Variants in CERK observed in about 807,000 individuals in gnomAD.
The protein encoded by CERK is acylsphingosine kinase.
In CERK, 39 loss-of-function variants were observed where a neutral mutation model predicts 63.4. The observed-to-expected ratio is 0.61, with a 90% confidence interval of 0.48 to 0.80. The LOEUF is 0.80. Ranked by LOEUF, CERK falls within the 30% of genes least tolerant of loss-of-function variation. The probability of loss-of-function intolerance (pLI) is 0.00; values close to 1 mark genes in which losing one functional copy is unlikely to be tolerated. For missense variants in CERK, 670 were observed against 714.1 expected (o/e 0.94, Z 0.70); for synonymous variants, 302 against 280.0 (o/e 1.08, Z -0.78).
intron 4 of CERK, 53 bp from the exon 5 acceptor site, chr22:46,711,202 CGTAAAA>C: frequency 7.5e-7 from 1 of 1,331,386 alleles, no homozygotes; most frequent in Non-Finnish European, 1.1e-6. Context: ...TGAGTCCTCA[CGTAAAA>C]GGCAAATCAT....
chr22:46,735,998 C>T (rs1484382054), intron 1 of CERK, among the ~76,000 whole-genome samples: 2 of 152,228 alleles, frequency 1.3e-5, no homozygotes, highest in Non-Finnish European at 2.9e-5. Flanking sequence ...GGGCAGGCTG[C>T]TTCCTGGAGG....
chr22:46,732,822 C>T (rs1016350007), intron 1 of CERK, among the ~76,000 whole-genome samples: 1 of 152,134 alleles, frequency 6.6e-6, no homozygotes, highest in Non-Finnish European at 1.5e-5. Flanking sequence ...ATGTTTTCTT[C>T]CGTGAATCGC....
chr22:46,697,004 TTC>T (rs1381653609), intron 8 of CERK, among the ~76,000 whole-genome samples: 1 of 152,128 alleles, frequency 6.6e-6, no homozygotes, highest in Admixed American at 6.6e-5. Flanking sequence ...TTCTCGCGGC[TTC>T]TCTAATTTTC....
At position 46,716,252 on chromosome 22, in the gene CERK, A is replaced by G. The variant is rs1805896995; in HGVS notation, c.379+3834T>C. The stretch of plus-strand genomic sequence containing the variant: ...TTCGCCCAGGCTGGAGTGAAGTTGC[A>G]TGATCTCGACTCACTGCAACCTCCA... On this transcript the variant is annotated intron_variant, in intron 3 of 12. Coordinates refer to ENST00000216264, the MANE Select transcript of CERK (RefSeq NM_022766.6). 2.7e-5 allele frequency among the ~76,000 whole-genome samples: 4 copies of G among 149,810 alleles called. No homozygotes were observed. In the South Asian group the frequency reaches 8.4e-4, roughly 32 times the overall value.
chr22:46,700,735 G>C (rs1012236969), intron 7 of CERK, among the ~76,000 whole-genome samples: 2 of 151,480 alleles, frequency 1.3e-5, no homozygotes, highest in Non-Finnish European at 2.9e-5. Context: ...ATCCTGACCA[G>C]GTGCTGTGGC....
At chr22:46,689,067 C>T (rs1368475584) in intron 12 of CERK, among the ~76,000 whole-genome samples, 1 of 152,262 alleles carries the variant, frequency 6.6e-6, no homozygotes. Flanking sequence ...GACACCACTT[C>T]CCACCCTCCG....
In CERK at chr22:46,691,771, A is replaced by G; in HGVS notation, c.1133T>C (p.Val378Ala). The G allele has an allele frequency of 6.2e-7, 1 of 1,609,386 alleles. No homozygotes were observed. The highest frequency in any genetic ancestry group is 1.3e-5 in the African/African-American group (1 of 74,984). The change falls in exon 11 of 13, where the codon GTG (valine) becomes GCG (alanine). Residue 378 changes from valine to alanine, a missense_variant. Val to Ala is a moderately conservative substitution (Grantham distance 64, BLOSUM62 0). Transcript: ENST00000216264. ...ALYGLEAAED[V>A]EEWQVVCGKF... ...CCCACAGACGACTTGCCACTCCTCC[A>G]CGTCCTCTGAAGCACAAAGAACCAC... is the stretch of plus-strand genomic sequence containing the variant.
Position 46,701,640 on chromosome 22 carries a change from A to G in CERK, c.786T>C (p.Val262=). ...ATGCGCAGAGGAGGGGCTCACCAAC[A>G]ACGATATGCAGCGCCGAGGTTTCTG... is the stretch of plus-strand genomic sequence containing the variant. ...SDAETSALHI[V]VGDSLAMDVS... The change falls in exon 7 of 13, where the codon GTT becomes GTC. Residue 262 remains valine (V), a synonymous_variant. Transcript: ENST00000216264. 1 of 1,556,754 alleles carries G rather than the reference A, an allele frequency of 6.4e-7. No individual in the cohort carries two copies. The highest frequency in any genetic ancestry group is 8.7e-7 in the Non-Finnish European group (1 of 1,150,126).
intron 10 of CERK, among the ~76,000 whole-genome samples, chr22:46,692,081 G>A (rs1010654582): frequency 6.6e-6 from 1 of 152,186 alleles, no homozygotes; most frequent in Non-Finnish European, 1.5e-5. Context: ...GATCCGGCCC[G>A]CCGCCCGTCT....
chr22:46,689,498 G>A (rs1299156398), intron 12 of CERK, among the ~76,000 whole-genome samples: 2 of 152,214 alleles, frequency 1.3e-5, no homozygotes, highest in African/African-American at 4.8e-5. Context: ...AGCCTCCGGG[G>A]TAGCTGGGAT....
intron 1 of CERK, among the ~76,000 whole-genome samples, chr22:46,724,999 C>T (rs987982260): frequency 1.3e-5 from 2 of 151,096 alleles, no homozygotes; most frequent in East Asian, 2.0e-4. Context: ...CCAGCCTGGG[C>T]GAAAGACAGC....
In CERK at chr22:46,707,944, T is replaced by C; in HGVS notation, c.614A>G (p.His205Arg). The C allele has an allele frequency of 6.2e-7, 1 of 1,613,690 alleles. No individual in the cohort carries two copies. The highest frequency in any genetic ancestry group is 8.5e-7 in the Non-Finnish European group (1 of 1,179,862). Residue 205 changes from histidine to arginine, a missense_variant, in exon 6 of 13, where the codon CAC (histidine) becomes CGC (arginine). By Grantham distance (29) the His-to-Arg change is conservative. Transcript: ENST00000216264. ...CCTCTGCGTCCTCCCAATCAGACCG[T>C]GCAGCACCTCGCTGAACATACCATC... ...GGDGMFSEVL[H>R]GLIGRTQRSA...
At chr22:46,692,426 T>TA (rs553286743) in intron 10 of CERK, among the ~76,000 whole-genome samples, 8,249 of 92,990 alleles carry the variant, frequency 0.089, 524 homozygotes, top group Admixed American at 0.12. Flanking sequence ...AACTCTGTCT[T>TA]AAAAAAAAAA....
At chr22:46,719,389 T>C (rs141556787) in intron 3 of CERK, among the ~76,000 whole-genome samples, 141 of 152,206 alleles carry the variant, frequency 9.3e-4, no homozygotes, top group African/African-American at 3.1e-3. Flanking sequence ...GACACATCCC[T>C]GGCTGGGCGT....
At position 46,690,182 on chromosome 22, in the gene CERK, C is replaced by T. The variant is rs2082723370; in HGVS notation, c.1351G>A (p.Glu451Lys). Residue 451 changes from glutamate (E) to lysine (K), a missense_variant, in exon 12 of 13, where the codon GAA (glutamate) becomes AAA (lysine). Transcript: ENST00000216264. ...QQDQFDFTFV[E>K]VYRVKKFQFT... ...TGGAATTTCTTGACGCGATAAACTT[C>T]AACAAAAGTGAAGTCAAACTACCAA... 6.2e-7 allele frequency: 1 copy of T among 1,613,788 alleles called. No homozygotes were observed. Among genetic ancestry groups the T allele is most frequent in the African/African-American group, 1.3e-5 (1 of 74,850 alleles).
intron 1 of CERK, among the ~76,000 whole-genome samples, chr22:46,724,559 G>A (rs918423238): frequency 1.3e-5 from 2 of 152,200 alleles, no homozygotes; most frequent in Non-Finnish European, 2.9e-5. Context: ...GCTTTGGCCT[G>A]TATCTGGCTG....
chr22:46,737,905 A>C, intron 1 of CERK, 102 bp downstream of exon 1: 1 of 772,136 alleles, frequency 1.3e-6, no homozygotes, highest in Non-Finnish European at 1.6e-6. Flanking sequence ...CGGCCTTACC[A>C]CAGCCGCTCG....
intron 8 of CERK, among the ~76,000 whole-genome samples, 162 bp downstream of exon 8, chr22:46,699,151 C>A (rs568802850): frequency 6.6e-6 from 1 of 152,224 alleles, no homozygotes; most frequent in East Asian, 1.9e-4. Flanking sequence ...CCAGACCCTG[C>A]CACGTTCTGG....
Position 46,712,156 on chromosome 22 carries a change from A to G in CERK, c.505+12T>C. On this transcript the variant is annotated intron_variant, in intron 4 of 12. Coordinates refer to ENST00000216264, the MANE Select transcript of CERK (RefSeq NM_022766.6). ...AAACTTACTTCTACATAGTTAACAT[A>G]GAATTTGTTACCGATGATGTCAGTG... is the stretch of plus-strand genomic sequence containing the variant. 1 of 1,613,828 alleles carries G rather than the reference A, an allele frequency of 6.2e-7. No individual in the cohort carries two copies. The highest frequency in any genetic ancestry group is 8.5e-7 in the Non-Finnish European group (1 of 1,179,882).
Sources: allele counts gnomAD v4.1 joint callset (sites outside exome capture counted in the v4.1 genomes callset), GRCh38; gene constraint gnomAD v4.1.1; transcripts MANE v1.5; gene names NCBI Gene and HGNC (gene_info 2026-07-23, HGNC 2026-07-21).